The following STYX variants were observed in gnomAD, a reference collection of about 807,000 sequenced individuals.
The protein encoded by STYX is serine/threonine/tyrosine interacting protein, also known as serine/threonine/tyrosine-interacting protein.
In STYX, 20 loss-of-function variants were observed where a neutral mutation model predicts 42.7. The ratio of observed to expected loss-of-function variants is 0.47; its 90% CI spans 0.33 to 0.68. The LOEUF is 0.68. Ranked by LOEUF, STYX falls within the 30% of genes least tolerant of loss-of-function variation. The pLI is 0.02. For missense variants in STYX, 226 were observed against 268.5 expected (o/e 0.84, Z 1.11); for synonymous variants, 78 against 81.9 (o/e 0.95, Z 0.26).
At chr14:52,739,123 C>T (rs7158756) in intron 1 of STYX, among the ~76,000 whole-genome samples, 96,060 of 151,178 alleles carry the variant, frequency 0.64, 30,817 homozygotes, top group African/African-American at 0.73. Flanking sequence ...TTTAAAAATA[C>T]CACTTTTTTT....
intron 1 of STYX, 105 bp downstream of exon 1, chr14:52,730,636 TG>T (rs1880660286): frequency 7.5e-6 from 10 of 1,327,358 alleles, no homozygotes; most frequent in Non-Finnish European, 1.0e-5. Context: ...ACGGGCGCCC[TG>T]CCTCCTAAGG....
chr14:52,750,304 A>G (rs1881561102), intron 3 of STYX, among the ~76,000 whole-genome samples: 1 of 152,120 alleles, frequency 6.6e-6, no homozygotes, highest in East Asian at 1.9e-4. Context: ...TTGGTAATGT[A>G]ACTGTTTTAT....
At chr14:52,759,820 G>A (rs530890101) in intron 9 of STYX, 66 bp downstream of exon 9, 1 of 1,056,492 alleles carries the variant, frequency 9.5e-7, no homozygotes, top group African/African-American at 1.6e-5. Flanking sequence ...ATGTAATTTA[G>A]GTGTACAATT....
rs903760599 is a variant in STYX, at chr14:52,730,225, G to C, written c.-250G>C. 3.5e-6 allele frequency: 2 copies of C among 567,252 alleles called. No homozygotes were observed. The highest frequency in any genetic ancestry group is 3.0e-5 in the East Asian group (1 of 32,982). The allele number at this position is 567,252 out of a possible 1,614,324, so 35.1% of individuals were successfully genotyped here. On this transcript the variant is annotated 5_prime_UTR_variant, in exon 1 of 11. Coordinates refer to ENST00000354586, the MANE Select transcript of STYX (RefSeq NM_145251.4). ...CGGCCTGAGGGGTACGGAGACTCTG[G>C]GGGAGGGAGACGGCAGCGGCATGGC...
intron 8 of STYX, among the ~76,000 whole-genome samples, chr14:52,759,101 CTA>C (rs1305624773): frequency 6.6e-6 from 1 of 152,032 alleles, no homozygotes; most frequent in African/African-American, 2.4e-5. Context: ...TGAACTTGTA[CTA>C]TATGCACAAA....
intron 2 of STYX, among the ~76,000 whole-genome samples, chr14:52,746,090 T>C (rs1426755990): frequency 6.6e-6 from 1 of 152,178 alleles, no homozygotes; most frequent in African/African-American, 2.4e-5. Flanking sequence ...TATTTGAATT[T>C]GGAATTTTTA....
intron 3 of STYX, among the ~76,000 whole-genome samples, chr14:52,749,526 G>A (rs1881527745): frequency 6.6e-6 from 1 of 152,082 alleles, no homozygotes; most frequent in Non-Finnish European, 1.5e-5. Flanking sequence ...TATTGAACAG[G>A]TAATTATTGA....
intron 1 of STYX, among the ~76,000 whole-genome samples, chr14:52,736,828 A>T (rs1880973841): frequency 1.3e-5 from 2 of 151,968 alleles, no homozygotes; most frequent in South Asian, 4.2e-4. Flanking sequence ...ATCTTACTTG[A>T]GTACTCTTCT....
chr14:52,740,457 CTG>C (rs1368487887), intron 1 of STYX, among the ~76,000 whole-genome samples: 3 of 152,182 alleles, frequency 2.0e-5, no homozygotes, highest in Admixed American at 6.5e-5. Flanking sequence ...CATTGAAAGA[CTG>C]TATAGTATAT....
At chr14:52,757,816 C>T in intron 7 of STYX, 34 bp downstream of exon 7, 1 of 1,612,708 alleles carries the variant, frequency 6.2e-7, no homozygotes. Context: ...CTTTCTATAA[C>T]ATTTAATTAA....
intron 2 of STYX, among the ~76,000 whole-genome samples, 164 bp downstream of exon 2, chr14:52,745,048 G>T (rs1408899853): frequency 1.3e-5 from 2 of 151,532 alleles, no homozygotes; most frequent in Non-Finnish European, 2.9e-5. Context: ...ATCTTAAAAC[G>T]ATGGGAAATT....
chr14:52,752,882 G>GTTT (rs1382888369), intron 4 of STYX, among the ~76,000 whole-genome samples: 18 of 50,134 alleles, frequency 3.6e-4, no homozygotes, highest in South Asian at 8.8e-4. Flanking sequence ...TGTTGTTGTT[G>GTTT]TTTTTTTTTT....
intron 1 of STYX, among the ~76,000 whole-genome samples, chr14:52,737,232 A>T (rs761044783): frequency 6.6e-6 from 1 of 152,240 alleles, no homozygotes; most frequent in Non-Finnish European, 1.5e-5. Context: ...GAATTATTTT[A>T]TCTAATGGTT....
intron 2 of STYX, 131 bp downstream of exon 2, chr14:52,745,015 T>A: frequency 2.9e-6 from 2 of 683,278 alleles, no homozygotes; most frequent in Non-Finnish European, 4.5e-6. Flanking sequence ...ATAATTATTT[T>A]AAATATTTAA....
At chr14:52,737,244 CA>C (rs1240956529) in intron 1 of STYX, among the ~76,000 whole-genome samples, 6 of 152,256 alleles carry the variant, frequency 3.9e-5, no homozygotes, top group African/African-American at 1.4e-4. Flanking sequence ...CTAATGGTTA[CA>C]GTCTATATCC....
chr14:52,732,388 T>G (rs938085215), intron 1 of STYX, among the ~76,000 whole-genome samples: 1 of 149,888 alleles, frequency 6.7e-6, no homozygotes, highest in Non-Finnish European at 1.5e-5. Flanking sequence ...TTCTCCCGCC[T>G]CAGCCTCCCG....
chr14:52,759,804 T>C (rs1180679624), intron 9 of STYX, 50 bp downstream of exon 9: 5 of 1,229,948 alleles, frequency 4.1e-6, no homozygotes, highest in Non-Finnish European at 4.7e-6. Context: ...ATAAAATCTT[T>C]TATACATGTA....
chr14:52,751,428 T>C (rs773534924), intron 4 of STYX, among the ~76,000 whole-genome samples: 2 of 151,956 alleles, frequency 1.3e-5, no homozygotes, highest in African/African-American at 4.9e-5. Flanking sequence ...GTGAGCATAT[T>C]GATAGGGCTT....
At chr14:52,737,056 C>T (rs1880982981) in intron 1 of STYX, among the ~76,000 whole-genome samples, 1 of 151,784 alleles carries the variant, frequency 6.6e-6, no homozygotes, top group South Asian at 2.1e-4. Flanking sequence ...TTTTTCTTCC[C>T]CAAACTGTTG....
Sources: allele counts gnomAD v4.1 joint callset (sites outside exome capture counted in the v4.1 genomes callset), GRCh38; gene constraint gnomAD v4.1.1; transcripts MANE v1.5; gene names NCBI Gene and HGNC (gene_info 2026-07-23, HGNC 2026-07-21).